ABLIM2: variants seen among roughly 807,000 people sequenced by gnomAD.
ABLIM2 encodes actin binding LIM protein family member 2.
Under a neutral mutation model 97.7 loss-of-function variants are expected in ABLIM2, and 53 were observed. The observed-to-expected ratio is 0.54, with a 90% CI of 0.44 to 0.68. ABLIM2 has a LOEUF of 0.68. Ranked by LOEUF, ABLIM2 falls within the 30% of genes least tolerant of loss-of-function variation. ABLIM2 has a pLI of 0.00. For synonymous variants in ABLIM2, 361 were observed against 345.8 expected (o/e 1.04, Z -0.49); for missense variants, 835 against 867.2 (o/e 0.96, Z 0.47).
chr4:8,093,936 T>C (rs547137316), intron 3 of ABLIM2, among the ~76,000 whole-genome samples: 1 of 152,360 alleles, frequency 6.6e-6, no homozygotes, highest in East Asian at 1.9e-4. Flanking sequence ...CCTTAAACAC[T>C]TGTTGGTCTC....
rs1355775555 is a variant in ABLIM2, at chr4:8,015,821, G to C, written c.1423+3797C>G. Among the ~76,000 whole-genome samples the C allele has an allele frequency of 6.6e-6, 1 of 152,048 alleles. No homozygotes were observed. Among genetic ancestry groups the C allele is most frequent in the Non-Finnish European group, 1.5e-5 (1 of 67,992 alleles). On this transcript the variant is annotated intron_variant, in intron 14 of 20. Coordinates refer to ENST00000447017, the MANE Select transcript of ABLIM2 (RefSeq NM_001130083.2). This position sits in a 1 kb window ranked among gnomAD's most constrained non-coding sequence, Gnocchi z 4.6. ...GCATCTGGAGAGTCGAACTTACTGGGAAATGTTGGGGAGCCATCATTTTTC... is the reference window on the plus strand; with the variant it reads ...GCATCTGGAGAGTCGAACTTACTGGCAAATGTTGGGGAGCCATCATTTTTC...
At chr4:8,084,246 G>A (rs917068093) in intron 4 of ABLIM2, among the ~76,000 whole-genome samples, 7 of 152,210 alleles carry the variant, frequency 4.6e-5, no homozygotes, top group Non-Finnish European at 8.8e-5. Flanking sequence ...GTCAGGACTA[G>A]ACCGGGACAG....
In ABLIM2 at chr4:7,996,953, T is replaced by G. The variant is rs1753757948; in HGVS notation, c.1619-4026A>C. Reference sequence around the variant, plus strand: ...TTTTCAGAAATTTAATTATGATGTGTCTTGGTGCAGATTTTTGGGGTTTAT... The same window carrying G: ...TTTTCAGAAATTTAATTATGATGTGGCTTGGTGCAGATTTTTGGGGTTTAT... On this transcript the variant is annotated intron_variant, in intron 16 of 20. Transcript: ENST00000447017. This position sits in a 1 kb window ranked among gnomAD's most constrained non-coding sequence, Gnocchi z 4.5. Among the ~76,000 whole-genome samples, 1 of 152,238 alleles carries G rather than the reference T, an allele frequency of 6.6e-6. No individual in the cohort carries two copies. The highest frequency in any genetic ancestry group is 1.5e-5 in the Non-Finnish European group (1 of 68,044).
chr4:8,028,692 C>T (rs1779003135), intron 11 of ABLIM2, among the ~76,000 whole-genome samples: 1 of 152,202 alleles, frequency 6.6e-6, no homozygotes, highest in African/African-American at 2.4e-5. Flanking sequence ...TTCACTTGGT[C>T]ACGCATTCCT....
In ABLIM2 at chr4:8,075,294, C is replaced by G. The variant is rs931801199; in HGVS notation, c.675+2334G>C. Among the ~76,000 whole-genome samples, 1 of 151,912 alleles carries G rather than the reference C, an allele frequency of 6.6e-6. No individual in the cohort carries two copies. The highest frequency in any genetic ancestry group is 1.5e-5 in the Non-Finnish European group (1 of 68,012). ...GGTGGTTGCCGAGGGCTTGCGGGTA[C>G]GGGGAGTGACAGCTAAAAGGTATGG... On this transcript the variant is annotated intron_variant, in intron 6 of 20. Coordinates refer to ENST00000447017, the MANE Select transcript of ABLIM2 (RefSeq NM_001130083.2). The surrounding 1 kb of genome is among the most constrained non-coding windows in gnomAD (Gnocchi z 4.4).
rs148961275 is a variant in ABLIM2 at position 7,996,158 on chromosome 4, C to A, written c.1619-3231G>T. On this transcript the variant is annotated intron_variant, in intron 16 of 20. Transcript: ENST00000447017. The surrounding 1 kb of genome is among the most constrained non-coding windows in gnomAD (Gnocchi z 4.5). The stretch of plus-strand genomic sequence containing the variant: ...CAAACTGGCATCCCCAGCTAGCAGC[C>A]CCAACCTTGCCAGGGAACTCGTCAG... 6.6e-6 allele frequency among the ~76,000 whole-genome samples: 1 copy of A among 152,300 alleles called. No homozygotes were observed. The highest frequency in any genetic ancestry group is 1.5e-5 in the Non-Finnish European group (1 of 68,024).
chr4:8,074,668 T>C (rs1439533033), intron 6 of ABLIM2, among the ~76,000 whole-genome samples: 1 of 152,036 alleles, frequency 6.6e-6, no homozygotes, highest in Non-Finnish European at 1.5e-5. Context: ...AAATTAGAAA[T>C]GCAAACAAAG....
At chr4:8,063,706 C>T (rs1805009359) in intron 6 of ABLIM2, among the ~76,000 whole-genome samples, 2 of 152,254 alleles carry the variant, frequency 1.3e-5, no homozygotes, top group African/African-American at 4.8e-5. Flanking sequence ...GGTGTGCACC[C>T]CCTGCTCACA....
intron 6 of ABLIM2, among the ~76,000 whole-genome samples, chr4:8,062,708 G>A (rs1032189113): frequency 3.3e-5 from 5 of 152,090 alleles, no homozygotes; most frequent in African/African-American, 9.7e-5. Flanking sequence ...CAAAGTGTTG[G>A]GATTACAGGC....
intron 20 of ABLIM2, among the ~76,000 whole-genome samples, chr4:7,973,976 T>A (rs867551587): frequency 7.2e-5 from 11 of 152,210 alleles, no homozygotes; most frequent in East Asian, 3.8e-4. Context: ...AGGAGCCTCA[T>A]GAAGTCTGTT....
At chr4:8,086,800 T>C (rs1030199857) in intron 4 of ABLIM2, among the ~76,000 whole-genome samples, 6 of 151,554 alleles carry the variant, frequency 4.0e-5, no homozygotes, top group South Asian at 4.2e-4. Context: ...CAAAGATAGA[T>C]AAAAGGCATT....
At chr4:8,137,122 C>G (rs936176675) in intron 1 of ABLIM2, among the ~76,000 whole-genome samples, 2 of 152,216 alleles carry the variant, frequency 1.3e-5, no homozygotes, top group Non-Finnish European at 2.9e-5. Context: ...GAGAGTTCAA[C>G]GTCTGTCTTT....
At chr4:8,099,362 C>T (rs62289382) in intron 2 of ABLIM2, among the ~76,000 whole-genome samples, 5,951 of 152,258 alleles carry the variant, frequency 0.039, 178 homozygotes, top group Non-Finnish European at 0.052. Flanking sequence ...TTCTTAAAGA[C>T]GTGACGGCGT....
intron 14 of ABLIM2, among the ~76,000 whole-genome samples, chr4:8,014,021 G>T (rs1160154137): frequency 3.3e-5 from 5 of 152,244 alleles, no homozygotes; most frequent in Non-Finnish European, 7.3e-5. Context: ...GAGGTGTGGG[G>T]GCTGTTCCAC....
At chr4:8,088,121 C>G (rs750370237) in intron 4 of ABLIM2, 48 bp downstream of exon 4, 5 of 861,804 alleles carry the variant, frequency 5.8e-6, no homozygotes, top group African/African-American at 3.8e-5. Flanking sequence ...TAGCACCCCC[C>G]ACTCAGCATG....
At chr4:8,052,280 A>G (rs35048261) in intron 8 of ABLIM2, among the ~76,000 whole-genome samples, 24,731 of 152,090 alleles carry the variant, frequency 0.16, 2,218 homozygotes, top group East Asian at 0.29. Context: ...TTTGGTGGGC[A>G]TGGAAGGATC....
At chr4:8,107,273 G>T (rs1448241320) in intron 1 of ABLIM2, among the ~76,000 whole-genome samples, 2 of 152,256 alleles carry the variant, frequency 1.3e-5, no homozygotes, top group Non-Finnish European at 2.9e-5. Flanking sequence ...CCTGACTGTG[G>T]GGCTCCCGGG....
rs192339114 is a variant in ABLIM2, at chr4:8,073,609, G to A, written c.675+4019C>T. 1.0e-3 allele frequency among the ~76,000 whole-genome samples: 153 copies of A among 151,978 alleles called. 3 individuals are homozygous for A. Among genetic ancestry groups the A allele is most frequent in the Admixed American group, 2.5e-3 (38 of 15,274 alleles). ...AGAGGAGAGGGCCAGGCAGGACGTC[G>A]TCCCTGGGATGCATCACTGGCTGTA... On this transcript the variant is annotated intron_variant, in intron 6 of 20. Transcript: ENST00000447017.
rs1467403159 is a variant in ABLIM2 at position 8,005,983 on chromosome 4, C to T, written c.1618+2076G>A. Among the ~76,000 whole-genome samples, 3 of 152,218 alleles carry T rather than the reference C, an allele frequency of 2.0e-5. No individual in the cohort carries two copies. The highest frequency in any genetic ancestry group is 4.4e-5 in the Non-Finnish European group (3 of 68,032). On this transcript the variant is annotated intron_variant, in intron 16 of 20. Coordinates refer to ENST00000447017, the MANE Select transcript of ABLIM2 (RefSeq NM_001130083.2). This position sits in a 1 kb window ranked among gnomAD's most constrained non-coding sequence, Gnocchi z 4.9. The stretch of plus-strand genomic sequence containing the variant: ...CAGCCGCAGCCTGCGTGCATCTGCA[C>T]AGGCAGCCTGGGAGAAGAATGTGAC...
Sources: allele counts gnomAD v4.1 joint callset (sites outside exome capture counted in the v4.1 genomes callset), GRCh38; gene constraint gnomAD v4.1.1; non-coding constraint Gnocchi (gnomAD v3.1); transcripts MANE v1.5; gene names NCBI Gene and HGNC (gene_info 2026-07-23, HGNC 2026-07-21).